HCN2: variants seen among roughly 807,000 people sequenced by gnomAD.
HCN2 encodes potassium/sodium hyperpolarization-activated cyclic nucleotide-gated channel 2.
HCN2 carries 20 observed loss-of-function variants against 52.3 expected under a neutral mutation model. The ratio of observed to expected loss-of-function variants is 0.38; its 90% CI spans 0.27 to 0.56. HCN2 has a LOEUF of 0.56. Among genes scored for constraint, HCN2 ranks in the 20% least tolerant of loss-of-function variants. The pLI is 0.71. For synonymous variants in HCN2, 694 were observed against 537.0 expected (o/e 1.29, Z -4.04); for missense variants, 981 against 1,207.7 (o/e 0.81, Z 2.78).
intron 1 of HCN2, among the ~76,000 whole-genome samples, chr19:602,193 C>T (rs35470668): frequency 1.8e-4 from 21 of 117,280 alleles, no homozygotes; most frequent in Non-Finnish European, 2.9e-4. Flanking sequence ...CCCACTCCCT[C>T]CTCTCTCCTC....
intron 5 of HCN2, among the ~76,000 whole-genome samples, chr19:612,427 T>TGTGTGTGAGAGA: frequency 1.4e-3 from 206 of 142,346 alleles, no homozygotes; most frequent in Middle Eastern, 3.6e-3. Context: ...TGTGTGTGTG[T>TGTGTGTGAGAGA]GAGAGAGAGA....
In HCN2 at chr19:613,379, C is replaced by T. The variant is rs767131835; in HGVS notation, c.1716C>T (p.Ile572=). 3.9e-5 allele frequency: 63 copies of T among 1,612,860 alleles called. No homozygotes were observed. Among genetic ancestry groups the T allele is most frequent in the Non-Finnish European group, 5.0e-5 (59 of 1,179,878 alleles). The change falls in exon 6 of 8, where the codon ATC becomes ATT. Residue 572 remains isoleucine, a synonymous_variant. Transcript: ENST00000251287. ...FEVFQPGDYI[I]REGTIGKKMY... ...TCTTCCAGCCGGGTGACTACATCAT[C>T]CGCGAAGGCACCATCGGGAAGAAGA...
At chr19:595,006 GC>G in intron 1 of HCN2, among the ~76,000 whole-genome samples, 1 of 151,900 alleles carries the variant, frequency 6.6e-6, no homozygotes, top group South Asian at 2.1e-4. Flanking sequence ...TTCGAGACCA[GC>G]CTGGGCAACA....
At chr19:614,193 C>T (rs528839715) in intron 7 of HCN2, among the ~76,000 whole-genome samples, 177 bp downstream of exon 7, 288 of 152,206 alleles carry the variant, frequency 1.9e-3, no homozygotes, top group African/African-American at 6.5e-3. Context: ...GCAGCAGGGG[C>T]GTGGCTGGGG....
At chr19:603,440 C>A in intron 1 of HCN2, 104 bp from the exon 2 acceptor site, 1 of 835,332 alleles carries the variant, frequency 1.2e-6, no homozygotes, top group Non-Finnish European at 1.8e-6. Context: ...GGCACTGGCT[C>A]GAGGTGTGGG....
rs1983929305 is a variant in HCN2, at chr19:616,424, G to A, written c.2620G>A (p.Gly874Ser). The A allele has an allele frequency of 3.2e-6, 4 of 1,242,454 alleles. No individual in the cohort carries two copies. The East Asian group carries it at 1.2e-4, about 37-fold the overall frequency. 77.0% of individuals were successfully genotyped at this position (1,242,454 alleles called of 1,614,324 possible). A position where few individuals can be genotyped will look rare whatever the true frequency, so the allele number is the denominator to read the frequency against. The change falls in exon 8 of 8, where the codon GGC (glycine) becomes AGC (serine). Residue 874 changes from glycine (G) to serine (S), a missense_variant. Gly to Ser is a moderately conservative substitution (Grantham distance 56, BLOSUM62 0). Around this residue, in one of 6 missense-constraint regions of HCN2, gnomAD observed 368 missense variants for 314.8 expected, o/e 1.17. Coordinates refer to ENST00000251287, the MANE Select transcript of HCN2 (RefSeq NM_001194.4). ...RDSASPGAAG[G>S]LDPQDSARSR... is the part of the protein sequence containing the mutation. Reference sequence around the variant, plus strand: ...CTCGGCCTCACCCGGCGCCGCCGGCGGCCTGGACCCCCAGGACTCCGCGCG... The same window carrying A: ...CTCGGCCTCACCCGGCGCCGCCGGCAGCCTGGACCCCCAGGACTCCGCGCG...
chr19:596,418 G>T (rs116779304), intron 1 of HCN2, among the ~76,000 whole-genome samples: 17 of 152,140 alleles, frequency 1.1e-4, no homozygotes, highest in African/African-American at 3.4e-4. Context: ...AGGCCGGAAG[G>T]TTTCCCCAGG....
chr19:589,904 G>A lies in HCN2; in HGVS notation c.-42G>A. On this transcript the variant is annotated 5_prime_UTR_variant, in exon 1 of 8. Coordinates refer to ENST00000251287, the MANE Select transcript of HCN2 (RefSeq NM_001194.4). ...CTCCCTCGGGCTCCGGCCGGCGGCGGCGGCGGCGGCTCCGCTCCGCACTGC... is the reference window on the plus strand; with the variant it reads ...CTCCCTCGGGCTCCGGCCGGCGGCGACGGCGGCGGCTCCGCTCCGCACTGC... 2 of 818,594 alleles carry A rather than the reference G, an allele frequency of 2.4e-6. No homozygotes were observed. The highest frequency in any genetic ancestry group is 2.9e-6 in the Non-Finnish European group (2 of 690,136). The allele number at this position is 818,594 out of a possible 1,614,324, so 50.7% of individuals were successfully genotyped here. A position where few individuals can be genotyped will look rare whatever the true frequency, so the allele number is the denominator to read the frequency against.
intron 4 of HCN2, among the ~76,000 whole-genome samples, chr19:610,053 C>T (rs1026706185): frequency 3.3e-5 from 5 of 151,890 alleles, no homozygotes; most frequent in Non-Finnish European, 7.4e-5. Flanking sequence ...CCAGCCCTGA[C>T]CCCCCACAGT....
intron 3 of HCN2, among the ~76,000 whole-genome samples, chr19:607,603 C>G (rs946657832): frequency 6.6e-6 from 1 of 152,220 alleles, no homozygotes; most frequent in African/African-American, 2.4e-5. Flanking sequence ...GTGTCTCTGC[C>G]CGCCCTGCCC....
chr19:604,836 G>A (rs1221573932), intron 2 of HCN2, among the ~76,000 whole-genome samples: 1 of 86,158 alleles, frequency 1.2e-5, no homozygotes, highest in African/African-American at 6.1e-5. Context: ...GGGGGGTCCT[G>A]CAGTGAAGGC....
intron 2 of HCN2, among the ~76,000 whole-genome samples, chr19:604,670 G>A (rs1600526531): frequency 1.7e-5 from 2 of 119,620 alleles, no homozygotes; most frequent in African/African-American, 7.6e-5. Flanking sequence ...TGTGCTGGGC[G>A]GGGTCAGGCA....
In HCN2 at chr19:590,644, C is replaced by T; in HGVS notation, c.632+67C>T. 2 of 1,195,070 alleles carry T rather than the reference C, an allele frequency of 1.7e-6. No homozygotes were observed. Among genetic ancestry groups the T allele is most frequent in the Non-Finnish European group, 2.1e-6 (2 of 943,362 alleles). The allele number at this position is 1,195,070 out of a possible 1,614,324, so 74.0% of individuals were successfully genotyped here. A position where few individuals can be genotyped will look rare whatever the true frequency, so the allele number is the denominator to read the frequency against. ...GGAGCCGGGCGCGCGGGGAGCCGTC[C>T]TTGGAGCGCCTGGGGAGGGCGGGGC... is the stretch of plus-strand genomic sequence containing the variant. On this transcript the variant is annotated intron_variant, in intron 1 of 7. Coordinates refer to ENST00000251287, the MANE Select transcript of HCN2 (RefSeq NM_001194.4). This position sits in a 1 kb window ranked among gnomAD's most constrained non-coding sequence, Gnocchi z 7.2.
At position 613,270 on chromosome 19, in the gene HCN2, G is replaced by A. The variant is rs1983725409; in HGVS notation, c.1607G>A (p.Arg536Gln). Residue 536 changes from arginine (R) to glutamine (Q), a missense_variant, in exon 6 of 8, where the codon CGG becomes CAG. By Grantham distance (43) the Arg-to-Gln change is conservative. This residue lies in a region of HCN2 where 282 missense variants were observed against 553.8 expected (regional missense o/e 0.51). Transcript: ENST00000251287. ...CAGGAGATCGTCAACTTCAACTGCC[G>A]GAAGCTGGTGGCCTCCATGCCGCTG... ...LREEIVNFNCRKLVASMPLFA... is the reference protein window; with the variant it reads ...LREEIVNFNCQKLVASMPLFA... 2.5e-6 allele frequency: 4 copies of A among 1,612,416 alleles called. No homozygotes were observed. Among genetic ancestry groups the A allele is most frequent in the Non-Finnish European group, 2.5e-6 (3 of 1,179,748 alleles).
chr19:590,683 G>T lies in HCN2; in HGVS notation c.632+106G>T. The stretch of plus-strand genomic sequence containing the variant: ...GGAGGGCGGGGCGGCGCGCCGGGCC[G>T]GTGACCTCGGGGCTCCTCGGTGACC... On this transcript the variant is annotated intron_variant, in intron 1 of 7. Coordinates refer to ENST00000251287, the MANE Select transcript of HCN2 (RefSeq NM_001194.4). The surrounding 1 kb of genome is among the most constrained non-coding windows in gnomAD (Gnocchi z 7.2). 1.1e-6 allele frequency: 1 copy of T among 874,890 alleles called. No homozygotes were observed. The highest frequency in any genetic ancestry group is 1.5e-6 in the Non-Finnish European group (1 of 668,256). 54.2% of individuals were successfully genotyped at this position (874,890 alleles called of 1,614,324 possible).
Position 616,922 on chromosome 19 carries a change from G to GCCCGGCC in HCN2, c.*453_*459dup. ...CCCCATCGCGCTCACGCAATAACCG[G>GCCCGGCC]CCCGGCCCCCGTCCGCGCGCGTCCC... is the stretch of plus-strand genomic sequence containing the variant. On this transcript the variant is annotated 3_prime_UTR_variant, in exon 8 of 8. Transcript: ENST00000251287. The GCCCGGCC allele has an allele frequency of 2.8e-6, 1 of 355,776 alleles. No individual in the cohort carries two copies. The highest frequency in any genetic ancestry group is 5.3e-6 in the Non-Finnish European group (1 of 190,154). 22.0% of individuals were successfully genotyped at this position (355,776 alleles called of 1,614,324 possible).
intron 2 of HCN2, among the ~76,000 whole-genome samples, chr19:604,471 G>GA (rs1983332129): frequency 7.4e-6 from 1 of 134,948 alleles, no homozygotes; most frequent in Admixed American, 7.4e-5. Context: ...GTGGAGTCAA[G>GA]CAGCAGGGGT....
chr19:614,865 C>T (rs10409425), intron 7 of HCN2, among the ~76,000 whole-genome samples: 23,510 of 151,874 alleles, frequency 0.15, 1,968 homozygotes, highest in East Asian at 0.25. Flanking sequence ...TGGATGTAGG[C>T]GCCAGAGAGA....
chr19:603,301 G>A (rs1193717701), intron 1 of HCN2, among the ~76,000 whole-genome samples: 6 of 129,544 alleles, frequency 4.6e-5, no homozygotes, highest in South Asian at 2.8e-4. Flanking sequence ...GGGCACCCTC[G>A]CCCCCCAGGG....
Sources: allele counts gnomAD v4.1 joint callset (sites outside exome capture counted in the v4.1 genomes callset), GRCh38; gene constraint gnomAD v4.1.1; regional missense constraint gnomAD v4.1.1; non-coding constraint Gnocchi (gnomAD v3.1); transcripts MANE v1.5; gene names NCBI Gene and HGNC (gene_info 2026-07-23, HGNC 2026-07-21).